The following VIPR1 variants were observed in gnomAD, a reference collection of about 807,000 sequenced individuals.
VIPR1 encodes vasoactive intestinal peptide receptor 1, also known as vasoactive intestinal polypeptide receptor 1.
In VIPR1, 59 loss-of-function variants were observed where a neutral mutation model predicts 58.8. That is an observed-to-expected ratio of 1.00 (90% CI 0.81 to 1.25). VIPR1 has a LOEUF of 1.25. Ranked by LOEUF, VIPR1 falls within the 50% of genes most tolerant of loss-of-function variation. The pLI is 0.00. For synonymous variants in VIPR1, 251 were observed against 242.1 expected (o/e 1.04, Z -0.34); for missense variants, 626 against 602.7 (o/e 1.04, Z -0.40).
At chr3:42,491,493 G>C (rs1402791176) in intron 1 of VIPR1, among the ~76,000 whole-genome samples, 1 of 152,202 alleles carries the variant, frequency 6.6e-6, no homozygotes, top group Non-Finnish European at 1.5e-5. Flanking sequence ...TAAATTAAGT[G>C]ATGGGTGCAT....
At chr3:42,523,748 T>C (rs993886739) in intron 3 of VIPR1, among the ~76,000 whole-genome samples, 1 of 152,114 alleles carries the variant, frequency 6.6e-6, no homozygotes, top group Non-Finnish European at 1.5e-5. Context: ...CAAGCCCCGG[T>C]CCCTCTGGTG....
chr3:42,512,399 A>G (rs868246893), intron 1 of VIPR1: 6 of 152,330 alleles, frequency 3.9e-5, no homozygotes, highest in African/African-American at 1.4e-4. Flanking sequence ...CTCCGCAGCA[A>G]TGGATTGCTG....
chr3:42,514,444 C>G (rs1314280551), intron 2 of VIPR1, among the ~76,000 whole-genome samples: 1 of 151,944 alleles, frequency 6.6e-6, no homozygotes, highest in East Asian at 1.9e-4. Flanking sequence ...ATGTGGAATA[C>G]TCACCACAGC....
At chr3:42,505,067 C>T (rs771929637) in intron 1 of VIPR1, among the ~76,000 whole-genome samples, 3 of 152,048 alleles carry the variant, frequency 2.0e-5, no homozygotes, top group Non-Finnish European at 4.4e-5. Flanking sequence ...ATGCCCAGTA[C>T]GAGGCTGGGG....
At chr3:42,508,767 C>T (rs140422658) in intron 1 of VIPR1, 2 of 152,452 alleles carry the variant, frequency 1.3e-5, no homozygotes, top group East Asian at 3.9e-4. Context: ...CCTCTCTCCC[C>T]TCTTGCCTCC....
chr3:42,525,851 C>T (rs761494534), intron 3 of VIPR1, 36 bp from the exon 4 acceptor site: 9 of 1,564,070 alleles, frequency 5.8e-6, no homozygotes, highest in East Asian at 2.4e-5. Context: ...ATGCTCCCGG[C>T]CTCAGCCTTT....
chr3:42,505,171 G>C (rs1700060186), intron 1 of VIPR1, among the ~76,000 whole-genome samples: 1 of 152,180 alleles, frequency 6.6e-6, no homozygotes, highest in African/African-American at 2.4e-5. Flanking sequence ...GTGGATGTGG[G>C]GTACAGCCTC....
upstream of VIPR1, among the ~76,000 whole-genome samples, chr3:42,501,016 A>G (rs1699857504): frequency 6.6e-6 from 1 of 152,158 alleles, no homozygotes; most frequent in African/African-American, 2.4e-5. This position sits in a 1 kb window ranked among gnomAD's most constrained non-coding sequence, Gnocchi z 4.8. Flanking sequence ...GCACACAGAA[A>G]GAGATTAATA....
chr3:42,526,103 C>T, intron 4 of VIPR1, 110 bp downstream of exon 4: 3 of 1,071,876 alleles, frequency 2.8e-6, no homozygotes, highest in Non-Finnish European at 4.1e-6. Context: ...GAACAGGACT[C>T]CTGGAGTCTG....
intron 1 of VIPR1, among the ~76,000 whole-genome samples, chr3:42,503,283 A>C (rs115980430): frequency 0.018 from 2,794 of 152,208 alleles, 61 homozygotes; most frequent in African/African-American, 0.063. Context: ...TGGGGGCCCC[A>C]GGACTTGAGA....
chr3:42,527,537 G>A, intron 5 of VIPR1, 41 bp downstream of exon 5: 4 of 1,596,646 alleles, frequency 2.5e-6, no homozygotes, highest in Non-Finnish European at 8.6e-7. Flanking sequence ...AGCAAACCTG[G>A]CAAGTGTCCC....
At chr3:42,518,950 G>A (rs450812) in intron 2 of VIPR1, among the ~76,000 whole-genome samples, 42,590 of 152,102 alleles carry the variant, frequency 0.28, 9,141 homozygotes, top group African/African-American at 0.6. Flanking sequence ...TGCTGCAACA[G>A]TCAAAACCAC....
chr3:42,505,800 C>T (rs1386458715), intron 1 of VIPR1, among the ~76,000 whole-genome samples: 1 of 152,192 alleles, frequency 6.6e-6, no homozygotes, highest in Non-Finnish European at 1.5e-5. Flanking sequence ...TGTGGAAGGG[C>T]CTCGGGTTCC....
chr3:42,493,180 G>A (rs1448486028), intron 1 of VIPR1, among the ~76,000 whole-genome samples: 1 of 152,214 alleles, frequency 6.6e-6, no homozygotes, highest in Non-Finnish European at 1.5e-5. Context: ...AGGGAGACGG[G>A]TGGCTTCTGG....
intron 4 of VIPR1, among the ~76,000 whole-genome samples, chr3:42,526,416 T>C (rs1199223021): frequency 6.6e-6 from 1 of 152,180 alleles, no homozygotes; most frequent in Non-Finnish European, 1.5e-5. Flanking sequence ...GAGCCTGTCA[T>C]TCTCAGTCCC....
intron 3 of VIPR1, among the ~76,000 whole-genome samples, chr3:42,520,935 A>G (rs2284132): frequency 0.25 from 37,822 of 151,778 alleles, 6,999 homozygotes; most frequent in African/African-American, 0.52. Context: ...TAGCCTGGTC[A>G]CCTCCTCCAG....
chr3:42,490,711 GGTTT>G (rs1699649561), intron 1 of VIPR1, among the ~76,000 whole-genome samples: 5 of 152,058 alleles, frequency 3.3e-5, no homozygotes, highest in Non-Finnish European at 7.4e-5. Flanking sequence ...AGAGTAAAGA[GGTTT>G]AGGAGTTGGG....
chr3:42,513,902 A>G, intron 2 of VIPR1, 48 bp downstream of exon 2: 6 of 1,526,130 alleles, frequency 3.9e-6, no homozygotes, highest in Non-Finnish European at 5.3e-6. Flanking sequence ...CAGGGAGCCC[A>G]AGATTCCTCA....
In VIPR1 at chr3:42,519,316, T is replaced by C. The variant is rs1229780003; in HGVS notation, c.278T>C (p.Phe93Ser). The C allele has an allele frequency of 6.2e-7, 1 of 1,608,634 alleles. No individual in the cohort carries two copies. Among genetic ancestry groups the C allele is most frequent in the Non-Finnish European group, 8.5e-7 (1 of 1,177,474 alleles). The change falls in exon 3 of 13, where the codon TTC becomes TCC. Residue 93 changes from phenylalanine (F) to serine (S), a missense_variant. Phe to Ser is a radical substitution (Grantham distance 155). Coordinates refer to ENST00000325123, the MANE Select transcript of VIPR1 (RefSeq NM_004624.4). ...GCCTGTCCCCTCATCTTCAAGCTCT[T>C]CTCCTCCATTCAAGGTAAGACCCCT... is the stretch of plus-strand genomic sequence containing the variant. ...VLACPLIFKLFSSIQGRNVSR... is the reference protein window; with the variant it reads ...VLACPLIFKLSSSIQGRNVSR...
Sources: allele counts gnomAD v4.1 joint callset (sites outside exome capture counted in the v4.1 genomes callset), GRCh38; gene constraint gnomAD v4.1.1; non-coding constraint Gnocchi (gnomAD v3.1); transcripts MANE v1.5; gene names NCBI Gene and HGNC (gene_info 2026-07-23, HGNC 2026-07-21).